Variants in SLCO1B1 observed in about 807,000 individuals in gnomAD.
SLCO1B1 encodes OATP-2.
In SLCO1B1, 81 loss-of-function variants were observed where a neutral mutation model predicts 70.1. The observed-to-expected ratio is 1.16, with a 90% CI of 0.97 to 1.39. SLCO1B1 has a LOEUF of 1.39. Among genes scored for constraint, SLCO1B1 ranks in the 40% most tolerant of loss-of-function variants. The pLI, the probability that SLCO1B1 is intolerant of heterozygous loss-of-function variation, is 0.00. For missense variants in SLCO1B1, 895 were observed against 799.6 expected, an observed-to-expected ratio of 1.12 and a Z score of -1.44; for synonymous variants, 283 against 271.5, an observed-to-expected ratio of 1.04 and a Z score of -0.42.
At chr12:21,205,296 T>C (rs1941202826) in intron 10 of SLCO1B1, among the ~76,000 whole-genome samples, 1 of 151,994 alleles carries the variant, frequency 6.6e-6, no homozygotes, top group East Asian at 1.9e-4. Context: ...ACTATAGTTT[T>C]ATTTCAAAAA....
At chr12:21,193,837 C>T (rs943912178) in intron 7 of SLCO1B1, among the ~76,000 whole-genome samples, 16 of 152,130 alleles carry the variant, frequency 1.1e-4, no homozygotes, top group African/African-American at 3.9e-4. Flanking sequence ...GTGGCCCAGG[C>T]TGGAGTGCAG....
intron 3 of SLCO1B1, among the ~76,000 whole-genome samples, chr12:21,173,275 A>G (rs765400042): frequency 2.6e-5 from 4 of 152,136 alleles, no homozygotes; most frequent in Non-Finnish European, 4.4e-5. Flanking sequence ...TCTTCATTTT[A>G]TGTTGGATTT....
At chr12:21,148,907 G>A (rs1360738669) in intron 2 of SLCO1B1, among the ~76,000 whole-genome samples, 6 of 151,966 alleles carry the variant, frequency 3.9e-5, no homozygotes, top group Admixed American at 6.6e-5. Flanking sequence ...ATTGAGCAGT[G>A]GTTTGTAGTT....
intron 7 of SLCO1B1, among the ~76,000 whole-genome samples, chr12:21,195,226 A>G (rs989516567): frequency 1.3e-5 from 2 of 152,218 alleles, no homozygotes; most frequent in Middle Eastern, 3.4e-3. Flanking sequence ...TCAAATTTTG[A>G]TTCTTTTTTA....
intron 7 of SLCO1B1, among the ~76,000 whole-genome samples, chr12:21,190,153 T>C (rs1221929130): frequency 6.6e-6 from 1 of 152,122 alleles, no homozygotes; most frequent in Non-Finnish European, 1.5e-5. Flanking sequence ...GAAATAGGTA[T>C]AAGGAAGTAT....
At chr12:21,206,489 C>T (rs1237176297) in intron 11 of SLCO1B1, among the ~76,000 whole-genome samples, 2 of 151,856 alleles carry the variant, frequency 1.3e-5, no homozygotes, top group Non-Finnish European at 2.9e-5. Context: ...ATCTGTTTAG[C>T]TCTGGGATCA....
At chr12:21,204,072 C>T (rs1941186646) in intron 10 of SLCO1B1, among the ~76,000 whole-genome samples, 1 of 151,856 alleles carries the variant, frequency 6.6e-6, no homozygotes, top group African/African-American at 2.4e-5. Context: ...TCATGGGACT[C>T]ATAATCTAAT....
chr12:21,224,628 C>T, intron 13 of SLCO1B1, 94 bp from the exon 14 acceptor site: 1 of 835,472 alleles, frequency 1.2e-6, no homozygotes, highest in South Asian at 1.4e-5. Flanking sequence ...AATTTTTGAA[C>T]TTTTATTTAA....
intron 1 of SLCO1B1, 43 bp downstream of exon 1, chr12:21,131,279 G>A (rs1358892035): frequency 6.6e-6 from 1 of 151,980 alleles, no homozygotes; most frequent in African/African-American, 2.4e-5. Context: ...TATATTTTAT[G>A]TAAGAAATTT....
chr12:21,133,335 G>A (rs984568114), intron 1 of SLCO1B1, among the ~76,000 whole-genome samples: 7 of 152,064 alleles, frequency 4.6e-5, no homozygotes, highest in African/African-American at 1.7e-4. Context: ...GGTTCCATAT[G>A]AACTTTAAAG....
intron 2 of SLCO1B1, among the ~76,000 whole-genome samples, chr12:21,148,200 C>A (rs535476824): frequency 6.6e-6 from 1 of 152,236 alleles, no homozygotes; most frequent in South Asian, 2.1e-4. Flanking sequence ...TATGCAGGAG[C>A]TTTTTAGTTT....
Position 21,178,672 on chromosome 12 carries a change from T to G in SLCO1B1, c.578T>G (p.Leu193Arg), listed in dbSNP as rs72559746. Residue 193 changes from leucine (L) to arginine (R), a missense_variant, in exon 6 of 15, where the codon CTT becomes CGT. Leu to Arg is a moderately radical substitution (Grantham distance 102). Transcript: ENST00000256958. ...IGETPIVPLG[L>R]SYIDDFAKEG... ...GAGACTCCCATAGTACCATTGGGGC[T>G]TTCTTACATTGATGATTTCGCTAAA... The G allele has an allele frequency of 6.2e-7, 1 of 1,607,214 alleles. No homozygotes were observed. The highest frequency in any genetic ancestry group is 8.5e-7 in the Non-Finnish European group (1 of 1,173,686).
chr12:21,182,212 G>A (rs993179657), intron 7 of SLCO1B1, among the ~76,000 whole-genome samples: 1 of 152,138 alleles, frequency 6.6e-6, no homozygotes, highest in Non-Finnish European at 1.5e-5. Context: ...TAGCTAAGGG[G>A]TGAGTAAAGT....
At chr12:21,163,741 G>A (rs1411671144) in intron 2 of SLCO1B1, among the ~76,000 whole-genome samples, 2 of 152,010 alleles carry the variant, frequency 1.3e-5, no homozygotes, top group Non-Finnish European at 2.9e-5. Context: ...ATTCATGAGG[G>A]TTCCACAGCC....
rs528683899 is a variant in SLCO1B1, at chr12:21,174,988, T to G, written c.359+279T>G. ...TAGTATAACGTATATACTGTACGTCTTTGCCTATAAGATTTTGATTATTTT... is the reference window on the plus strand; with the variant it reads ...TAGTATAACGTATATACTGTACGTCGTTGCCTATAAGATTTTGATTATTTT... On this transcript the variant is annotated intron_variant, in intron 4 of 14. Coordinates refer to ENST00000256958, the MANE Select transcript of SLCO1B1 (RefSeq NM_006446.5). Among the ~76,000 whole-genome samples, 7 of 152,288 alleles carry G rather than the reference T, an allele frequency of 4.6e-5. No homozygotes were observed. In the South Asian group the frequency reaches 1.4e-3, roughly 32 times the overall value.
At chr12:21,167,929 G>A (rs1940708279) in intron 2 of SLCO1B1, among the ~76,000 whole-genome samples, 1 of 150,246 alleles carries the variant, frequency 6.7e-6, no homozygotes, top group Non-Finnish European at 1.5e-5. Flanking sequence ...CGATTCTCCT[G>A]CCTCAGCCTC....
chr12:21,147,383 C>T (rs1368674914), intron 2 of SLCO1B1, among the ~76,000 whole-genome samples: 2 of 152,054 alleles, frequency 1.3e-5, no homozygotes, highest in Non-Finnish European at 2.9e-5. Flanking sequence ...GTTTGCTGCA[C>T]CCATCAACCC....
At chr12:21,141,814 A>G (rs1348396347) in intron 2 of SLCO1B1, among the ~76,000 whole-genome samples, 156 bp downstream of exon 2, 1 of 151,976 alleles carries the variant, frequency 6.6e-6, no homozygotes, top group African/African-American at 2.4e-5. Flanking sequence ...ACCTTGATTT[A>G]AACCAGTCTT....
intron 11 of SLCO1B1, among the ~76,000 whole-genome samples, chr12:21,209,938 A>C (rs1433446279): frequency 1.1e-4 from 17 of 151,770 alleles, no homozygotes; most frequent in Admixed American, 3.3e-4. Flanking sequence ...TGTTGGAGTT[A>C]ATTGTAGATT....
Sources: allele counts gnomAD v4.1 joint callset (sites outside exome capture counted in the v4.1 genomes callset), GRCh38; gene constraint gnomAD v4.1.1; transcripts MANE v1.5; gene names NCBI Gene and HGNC (gene_info 2026-07-23, HGNC 2026-07-21).